Variants in CTBP2 observed in about 807,000 individuals in gnomAD.
The protein encoded by CTBP2 is C-terminal binding protein 2.
A neutral mutation model predicts 80.3 loss-of-function variants in CTBP2; 30 were observed. The observed-to-expected ratio is 0.37, with a 90% CI of 0.28 to 0.51. The LOEUF (loss-of-function observed/expected upper bound fraction) is 0.51, where lower values mean the gene tolerates loss of function less well. CTBP2 is among the 20% of genes least tolerant of loss of function. The probability of loss-of-function intolerance (pLI) is 0.93; values close to 1 mark genes in which losing one functional copy is unlikely to be tolerated. For missense variants in CTBP2, 1,212 were observed against 1,375.3 expected (o/e 0.88, Z 1.88); for synonymous variants, 594 against 587.4 (o/e 1.01, Z -0.16).
At chr10:125,019,945 G>C (rs2134555207) in intron 1 of CTBP2, among the ~76,000 whole-genome samples, 1 of 152,234 alleles carries the variant, frequency 6.6e-6, no homozygotes, top group South Asian at 2.1e-4. Flanking sequence ...CTCAAGCACT[G>C]AGGTTGACAG....
At chr10:125,151,819 G>C (rs923439407) in intron 1 of CTBP2, among the ~76,000 whole-genome samples, 3 of 152,182 alleles carry the variant, frequency 2.0e-5, no homozygotes, top group Non-Finnish European at 4.4e-5. Context: ...GACCCTGCTG[G>C]CTTGAGGCGG....
chr10:125,060,684 G>A (rs942149798), intron 2 of CTBP2, among the ~76,000 whole-genome samples: 4 of 152,230 alleles, frequency 2.6e-5, no homozygotes, highest in African/African-American at 7.2e-5. Context: ...TGTATTCTGC[G>A]TGGGCAGAAC....
intron 2 of CTBP2, among the ~76,000 whole-genome samples, chr10:125,090,994 C>T (rs148932998): frequency 1.3e-3 from 197 of 152,346 alleles, no homozygotes; most frequent in Middle Eastern, 0.01. Context: ...CAATGCCACA[C>T]AGCTACCAAA....
intron 1 of CTBP2, among the ~76,000 whole-genome samples, chr10:125,025,780 C>G (rs928539710): frequency 1.3e-5 from 2 of 152,210 alleles, no homozygotes; most frequent in South Asian, 4.1e-4. Flanking sequence ...TGACTTGCGA[C>G]TTTCTCCAAG....
chr10:125,027,424 A>C lies in CTBP2; in HGVS notation c.336T>G (p.Ser112Arg). 11 of 1,614,088 alleles carry C rather than the reference A, an allele frequency of 6.8e-6. No homozygotes were observed. The highest frequency in any genetic ancestry group is 9.3e-6 in the Non-Finnish European group (11 of 1,180,004). The stretch of plus-strand genomic sequence containing the variant: ...GTACCCTAGCAGCTCCAGACGGATC[A>C]CTGTAGTACTCCCGTGGCAGCAGGG... The change falls in exon 1 of 9, where the codon AGT (serine) becomes AGG (arginine). Residue 112 changes from serine to arginine, a missense_variant. By Grantham distance (110) the Ser-to-Arg change is moderately radical. Around this residue, in one of 3 missense-constraint regions of CTBP2, gnomAD observed 848 missense variants for 782.3 expected, o/e 1.08. Coordinates refer to ENST00000309035, the MANE Select transcript of CTBP2 (RefSeq NM_022802.3).
At chr10:125,062,889 A>G (rs1303695355) in intron 2 of CTBP2, among the ~76,000 whole-genome samples, 1 of 152,160 alleles carries the variant, frequency 6.6e-6, no homozygotes, top group African/African-American at 2.4e-5. Flanking sequence ...AAAATAAACC[A>G]CTGAGGGCAC....
intron 3 of CTBP2, among the ~76,000 whole-genome samples, chr10:125,036,886 C>A (rs1472754453): frequency 6.6e-6 from 1 of 152,102 alleles, no homozygotes; most frequent in African/African-American, 2.4e-5. Context: ...TGCCACCTGT[C>A]CTGACCCATA....
Position 125,082,589 on chromosome 10 carries a change from CTTTTTT to C in CTBP2, c.-102+28395_-102+28400del, listed in dbSNP as rs71486514. On this transcript the variant is annotated intron_variant, in intron 2 of 10. Transcript: ENST00000337195. ...CCATGATCATTCTGCCAGCTTTCCT[CTTTTTT>C]TTTTTTTTTTTTGAAACAGTCTTGC... is the stretch of plus-strand genomic sequence containing the variant. 1.2e-3 allele frequency among the ~76,000 whole-genome samples: 152 copies of C among 131,044 alleles called. 1 individual carries two copies. Among genetic ancestry groups the C allele is most frequent in the East Asian group, 2.4e-3 (11 of 4,588 alleles). 86.0% of individuals were successfully genotyped at this position (131,044 alleles called of 152,430 possible). A position where few individuals can be genotyped will look rare whatever the true frequency, so the allele number is the denominator to read the frequency against.
At chr10:125,100,814 C>T (rs1850503860) in intron 2 of CTBP2, 1 of 152,084 alleles carries the variant, frequency 6.6e-6, no homozygotes, top group Admixed American at 6.5e-5. Context: ...AAAGAGGAAG[C>T]CCTAGGGTAC....
At chr10:125,102,945 C>T (rs752088419) in intron 2 of CTBP2, among the ~76,000 whole-genome samples, 9 of 152,210 alleles carry the variant, frequency 5.9e-5, no homozygotes, top group South Asian at 2.1e-4. Context: ...ACGAGGCTGC[C>T]GCAAGAGCAG....
intron 2 of CTBP2, among the ~76,000 whole-genome samples, chr10:125,067,474 TAGGTGAGG>T (rs1844822927): frequency 6.6e-6 from 1 of 152,284 alleles, no homozygotes; most frequent in East Asian, 1.9e-4. Context: ...ATAAGGAAAC[TAGGTGAGG>T]AGATACGGAA....
chr10:125,160,920 C>G (rs1316370147), upstream of CTBP2: 1 of 149,916 alleles, frequency 6.7e-6, no homozygotes, highest in Non-Finnish European at 1.5e-5. Context: ...TATTTGTTTT[C>G]TCCTCCGGGG....
Position 125,028,048 on chromosome 10 carries a change from T to TCC in CTBP2, c.-291_-290dup. Reference sequence around the variant, plus strand: ...AGGAGGCTGTCCCCAGCCTGCCAGGTCCCCCTTCCTGGCTGGTGTGCTCAC... The same window carrying TCC: ...AGGAGGCTGTCCCCAGCCTGCCAGGTCCCCCCCTTCCTGGCTGGTGTGCTCAC... On this transcript the variant is annotated 5_prime_UTR_variant, in exon 1 of 9. Transcript: ENST00000309035. The TCC allele has an allele frequency of 3.5e-6, 2 of 569,646 alleles. No individual in the cohort carries two copies. Among genetic ancestry groups the TCC allele is most frequent in the Non-Finnish European group, 5.1e-6 (2 of 394,464 alleles). The allele number at this position is 569,646 out of a possible 1,614,324, so 35.3% of individuals were successfully genotyped here.
chr10:125,074,227 G>C (rs547177400), intron 2 of CTBP2, among the ~76,000 whole-genome samples: 2 of 152,150 alleles, frequency 1.3e-5, no homozygotes, highest in Non-Finnish European at 2.9e-5. Context: ...TGAACATAAG[G>C]AAGAATGTAA....
chr10:125,032,823 C>A, upstream of CTBP2: 1 of 155,096 alleles, frequency 6.4e-6, no homozygotes. Context: ...GAAGCCCCTC[C>A]CCACAACCAC....
At chr10:125,092,227 G>A (rs1023017919) in intron 2 of CTBP2, among the ~76,000 whole-genome samples, 2 of 141,448 alleles carry the variant, frequency 1.4e-5, no homozygotes, top group African/African-American at 5.4e-5. Context: ...TGTTGCCCAG[G>A]CTGGAGTACA....
chr10:125,075,249 T>A (rs542450141), intron 2 of CTBP2, among the ~76,000 whole-genome samples: 1 of 152,330 alleles, frequency 6.6e-6, no homozygotes, highest in East Asian at 1.9e-4. Flanking sequence ...AGTTCCAGTA[T>A]ACCACAGTTC....
intron 1 of CTBP2, among the ~76,000 whole-genome samples, chr10:125,023,018 G>A (rs1373735293): frequency 6.6e-6 from 1 of 152,186 alleles, no homozygotes; most frequent in East Asian, 1.9e-4. Flanking sequence ...CCAGTTGCTG[G>A]AAACCGAGGC....
chr10:125,048,166 CTGACCTTTT>C (rs1961741339), intron 2 of CTBP2, among the ~76,000 whole-genome samples: 1 of 152,024 alleles, frequency 6.6e-6, no homozygotes, highest in African/African-American at 2.4e-5. Flanking sequence ...CCCACGTGGG[CTGACCTTTT>C]CCTGTTGCAG....
Sources: allele counts gnomAD v4.1 joint callset (sites outside exome capture counted in the v4.1 genomes callset), GRCh38; gene constraint gnomAD v4.1.1; regional missense constraint gnomAD v4.1.1; transcripts MANE v1.5; gene names NCBI Gene and HGNC (gene_info 2026-07-23, HGNC 2026-07-21).